Variants in PCDHGA11 observed in about 807,000 individuals in gnomAD.
PCDHGA11 encodes protocadherin gamma-A11.
In PCDHGA11, 39 loss-of-function variants were observed where a neutral mutation model predicts 60.4. The observed-to-expected ratio is 0.65, with a 90% CI of 0.50 to 0.84. PCDHGA11 has a LOEUF of 0.84. Among genes scored for constraint, PCDHGA11 ranks in the 40% least tolerant of loss-of-function variants. The pLI, the probability that PCDHGA11 is intolerant of heterozygous loss-of-function variation, is 0.00. For missense variants in PCDHGA11, 1,165 were observed against 1,197.7 expected (o/e 0.97, Z 0.40); for synonymous variants, 533 against 510.3 (o/e 1.04, Z -0.60).
rs752680691 is a variant in PCDHGA11, at chr5:141,433,173, G to A, written c.2433+9513G>A. Reference sequence around the variant, plus strand: ...TCGGTATTTTCTAAAGACAGTCATGGGTTAATTGAGGTGAGTTTATATCAA... The same window carrying A: ...TCGGTATTTTCTAAAGACAGTCATGAGTTAATTGAGGTGAGTTTATATCAA... On this transcript the variant is annotated intron_variant, in intron 1 of 3. Coordinates refer to ENST00000398587, the MANE Select transcript of PCDHGA11 (RefSeq NM_018914.3). 3.1e-6 allele frequency: 5 copies of A among 1,610,344 alleles called. 1 individual carries two copies. In the Middle Eastern group the frequency reaches 5.0e-4, roughly 160 times the overall value.
At chr5:141,459,686 C>T (rs79275885) in intron 1 of PCDHGA11, among the ~76,000 whole-genome samples, 5,534 of 152,296 alleles carry the variant, frequency 0.036, 130 homozygotes, top group South Asian at 0.077. Flanking sequence ...ATGCATAAAG[C>T]GTTCCGCTTG....
chr5:141,450,278 G>C (rs977381598), intron 1 of PCDHGA11, among the ~76,000 whole-genome samples: 1 of 152,026 alleles, frequency 6.6e-6, no homozygotes, highest in African/African-American at 2.4e-5. Flanking sequence ...TCAGCTAAGT[G>C]CTGGGATTAC....
chr5:141,422,645 TCTCAGTGAC>T lies in PCDHGA11; in HGVS notation c.1420_1428del (p.Ser474_Thr476del). The T allele has an allele frequency of 1.2e-6, 2 of 1,612,232 alleles. No homozygotes were observed. Among genetic ancestry groups the T allele is most frequent in the Non-Finnish European group, 1.7e-6 (2 of 1,178,952 alleles). ...AACAACCCCAGGGGTGCCTCCATCT[TCTCAGTGAC>T]CGCCCTCGACCCGGACAGCAAACAG... On this transcript the variant is annotated inframe_deletion, in exon 1 of 4. Coordinates refer to ENST00000398587, the MANE Select transcript of PCDHGA11 (RefSeq NM_018914.3).
chr5:141,489,148 C>G lies in PCDHGA11; in HGVS notation c.2434-5659C>G. 1 of 895,318 alleles carries G rather than the reference C, an allele frequency of 1.1e-6. No individual in the cohort carries two copies. Among genetic ancestry groups the G allele is most frequent in the Non-Finnish European group, 1.7e-6 (1 of 589,254 alleles). The allele number at this position is 895,318 out of a possible 1,614,324, so 55.5% of individuals were successfully genotyped here. A position where few individuals can be genotyped will look rare whatever the true frequency, so the allele number is the denominator to read the frequency against. ...CAGTTTTTAAGAGGCTGGAAGGAGA[C>G]ATAAGAGACTTCAGCTGCTGCATTC... On this transcript the variant is annotated intron_variant, in intron 1 of 3. Transcript: ENST00000398587. This position sits in a 1 kb window ranked among gnomAD's most constrained non-coding sequence, Gnocchi z 4.5.
In PCDHGA11 at chr5:141,511,402, A is replaced by C; in HGVS notation, c.*229A>C. On this transcript the variant is annotated 3_prime_UTR_variant, in exon 4 of 4. Transcript: ENST00000398587. Reference sequence around the variant, plus strand: ...TTCCGCTGGGAACCCCCATCCAATCAACTGCTGTACCCATGGGGGTAGTGG... The same window carrying C: ...TTCCGCTGGGAACCCCCATCCAATCCACTGCTGTACCCATGGGGGTAGTGG... The C allele has an allele frequency of 1.0e-6, 1 of 969,684 alleles. No individual in the cohort carries two copies. 60.1% of individuals were successfully genotyped at this position (969,684 alleles called of 1,614,324 possible).
At chr5:141,471,361 CT>C (rs2099255928) in intron 1 of PCDHGA11, 1 of 151,976 alleles carries the variant, frequency 6.6e-6, no homozygotes, top group Non-Finnish European at 1.5e-5. Flanking sequence ...TCCAAGCCCC[CT>C]ATTTTTATTT....
rs1453283842 is a variant in PCDHGA11, at chr5:141,422,222, C to A, written c.995C>A (p.Thr332Lys). ...GQDGGGLFTT[T>K]TMLITVVDVN... ...GATGGTGGAGGTCTCTTTACCACCA[C>A]GACGATGTTGATCACTGTTGTGGAT... The change falls in exon 1 of 4, where the codon ACG becomes AAG. Residue 332 changes from threonine (T) to lysine (K), a missense_variant. Thr to Lys is a moderately conservative substitution (Grantham distance 78). Coordinates refer to ENST00000398587, the MANE Select transcript of PCDHGA11 (RefSeq NM_018914.3). The A allele has an allele frequency of 1.3e-6, 2 of 1,564,972 alleles. No homozygotes were observed. The highest frequency in any genetic ancestry group is 1.2e-5 in the South Asian group (1 of 81,256).
chr5:141,429,387 TAA>T (rs11410533), intron 1 of PCDHGA11, among the ~76,000 whole-genome samples: 155 of 151,446 alleles, frequency 1.0e-3, no homozygotes, highest in African/African-American at 3.5e-3. Flanking sequence ...GTTTTTTTTT[TAA>T]AAAAAATTGA....
intron 1 of PCDHGA11, chr5:141,478,072 G>A (rs752905249): frequency 6.2e-7 from 1 of 1,614,048 alleles, no homozygotes; most frequent in Admixed American, 1.7e-5. Flanking sequence ...AAGACAATGG[G>A]GAGCCTTCGC....
chr5:141,489,091 T>C lies in PCDHGA11; in HGVS notation c.2434-5716T>C. 1 of 333,052 alleles carries C rather than the reference T, an allele frequency of 3.0e-6. No individual in the cohort carries two copies. The highest frequency in any genetic ancestry group is 5.5e-6 in the Non-Finnish European group (1 of 181,380). 20.6% of individuals were successfully genotyped at this position (333,052 alleles called of 1,614,324 possible). On this transcript the variant is annotated intron_variant, in intron 1 of 3. Coordinates refer to ENST00000398587, the MANE Select transcript of PCDHGA11 (RefSeq NM_018914.3). This position sits in a 1 kb window ranked among gnomAD's most constrained non-coding sequence, Gnocchi z 4.5. ...CTGCCCACCCCCGCCACTCGGTGAC[T>C]AAGAACTGCTGCAAGCAGGCAAACC...
Position 141,422,344 on chromosome 5 carries a change from C to G in PCDHGA11, c.1117C>G (p.Gln373Glu). 1 of 1,550,890 alleles carries G rather than the reference C, an allele frequency of 6.4e-7. No individual in the cohort carries two copies. The highest frequency in any genetic ancestry group is 8.7e-7 in the Non-Finnish European group (1 of 1,154,268). ...PGTVIALLNV[Q>E]DQDSGENGQV... is the part of the protein sequence containing the mutation. Reference sequence around the variant, plus strand: ...TACAGTGATTGCTCTTCTAAATGTGCAAGATCAAGATTCTGGAGAAAATGG... The same window carrying G: ...TACAGTGATTGCTCTTCTAAATGTGGAAGATCAAGATTCTGGAGAAAATGG... The change falls in exon 1 of 4, where the codon CAA (glutamine) becomes GAA (glutamate). Residue 373 changes from glutamine (Q) to glutamate (E), a missense_variant. Gln to Glu is a conservative substitution (Grantham distance 29, BLOSUM62 2). Coordinates refer to ENST00000398587, the MANE Select transcript of PCDHGA11 (RefSeq NM_018914.3).
intron 2 of PCDHGA11, 37 bp downstream of exon 2, chr5:141,494,902 C>T (rs2099757367): frequency 1.9e-6 from 3 of 1,614,024 alleles, no homozygotes; most frequent in Non-Finnish European, 2.5e-6. Flanking sequence ...CTCTTCTCTG[C>T]GGCATTTTCT....
intron 3 of PCDHGA11, among the ~76,000 whole-genome samples, chr5:141,507,673 G>A (rs184362608): frequency 6.6e-5 from 10 of 152,368 alleles, no homozygotes; most frequent in Admixed American, 2.6e-4. Context: ...AAATCCAGAT[G>A]TTAAAAACAG....
intron 1 of PCDHGA11, among the ~76,000 whole-genome samples, chr5:141,455,250 A>C (rs1016027355): frequency 2.0e-5 from 3 of 152,172 alleles, no homozygotes; most frequent in Non-Finnish European, 2.9e-5. Flanking sequence ...GTCATAGTAC[A>C]ATCGCATTTC....
intron 2 of PCDHGA11, among the ~76,000 whole-genome samples, chr5:141,502,382 T>C (rs1668612742): frequency 1.3e-5 from 2 of 152,088 alleles, no homozygotes; most frequent in Non-Finnish European, 2.9e-5. Context: ...CCAGGCCAGT[T>C]GTACTTTAAA....
chr5:141,447,516 A>G (rs997127013), intron 1 of PCDHGA11, among the ~76,000 whole-genome samples: 1 of 152,220 alleles, frequency 6.6e-6, no homozygotes, highest in African/African-American at 2.4e-5. Flanking sequence ...ATGCATAACA[A>G]TCATAACAAA....
At position 141,486,266 on chromosome 5, in the gene PCDHGA11, C is replaced by A; in HGVS notation, c.2434-8541C>A. On this transcript the variant is annotated intron_variant, in intron 1 of 3. Coordinates refer to ENST00000398587, the MANE Select transcript of PCDHGA11 (RefSeq NM_018914.3). The surrounding 1 kb of genome is among the most constrained non-coding windows in gnomAD (Gnocchi z 5.0). ...TGGAACCCTCCCCGAGAGTGCAGAA[C>A]CTGGCACTGTGGTGGCACTTATCAG... The A allele has an allele frequency of 1.9e-6, 3 of 1,614,098 alleles. No homozygotes were observed. Among genetic ancestry groups the A allele is most frequent in the Admixed American group, 3.3e-5 (2 of 60,016 alleles).
At chr5:141,507,558 G>A (rs573728108) in intron 3 of PCDHGA11, among the ~76,000 whole-genome samples, 57 of 152,346 alleles carry the variant, frequency 3.7e-4, no homozygotes, top group African/African-American at 1.3e-3. Context: ...AGTGGCAGGC[G>A]GCTGGGTCTG....
Position 141,431,228 on chromosome 5 carries a change from GC to G in PCDHGA11, c.2433+7570del. The G allele has an allele frequency of 6.2e-7, 1 of 1,614,118 alleles. No homozygotes were observed. Among genetic ancestry groups the G allele is most frequent in the Non-Finnish European group, 8.5e-7 (1 of 1,180,030 alleles). On this transcript the variant is annotated intron_variant, in intron 1 of 3. Transcript: ENST00000398587. This position sits in a 1 kb window ranked among gnomAD's most constrained non-coding sequence, Gnocchi z 4.8. ...TGAGATGCGGTTCCCTCTACCCCAC[GC>G]CTGGGATCCGGATATCGGGAAGAAC...
Sources: allele counts gnomAD v4.1 joint callset (sites outside exome capture counted in the v4.1 genomes callset), GRCh38; gene constraint gnomAD v4.1.1; non-coding constraint Gnocchi (gnomAD v3.1); transcripts MANE v1.5; gene names NCBI Gene and HGNC (gene_info 2026-07-23, HGNC 2026-07-21).